PITPNC1: variants seen among roughly 807,000 people sequenced by gnomAD.
PITPNC1 encodes the protein phosphatidylinositol transfer protein cytoplasmic 1.
A neutral mutation model predicts 44.7 loss-of-function variants in PITPNC1; 18 were observed. The observed-to-expected ratio is 0.40, with a 90% CI of 0.28 to 0.60. The LOEUF is 0.60. Among genes scored for constraint, PITPNC1 ranks in the 20% least tolerant of loss-of-function variants. PITPNC1 has a pLI of 0.39. For missense variants in PITPNC1, 290 were observed against 418.4 expected (o/e 0.69, Z 2.68); for synonymous variants, 141 against 149.6 (o/e 0.94, Z 0.42).
chr17:67,467,054 A>ATTTTTTT (rs10623552), intron 1 of PITPNC1, among the ~76,000 whole-genome samples: 9 of 95,354 alleles, frequency 9.4e-5, no homozygotes, highest in East Asian at 7.0e-4. Context: ...CAGTTAGGAG[A>ATTTTTTT]TTTTTTTTTT....
intron 6 of PITPNC1, among the ~76,000 whole-genome samples, chr17:67,655,661 C>T (rs1381933918): frequency 6.6e-6 from 1 of 151,038 alleles, no homozygotes; most frequent in Admixed American, 6.6e-5. Context: ...GGGTTGGGTT[C>T]GGTGGTTCAC....
intron 2 of PITPNC1, among the ~76,000 whole-genome samples, chr17:67,548,073 C>T (rs754605285): frequency 4.5e-4 from 68 of 152,158 alleles, no homozygotes; most frequent in African/African-American, 1.5e-3. Flanking sequence ...TTGAGACAAC[C>T]GAAAATGTCC....
intron 4 of PITPNC1, among the ~76,000 whole-genome samples, chr17:67,567,312 G>A (rs189017675): frequency 2.1e-4 from 32 of 151,940 alleles, no homozygotes; most frequent in Non-Finnish European, 2.4e-4. Context: ...GGTAAACCCC[G>A]TTTCTACTAA....
At chr17:67,447,067 G>A (rs937681171) in intron 1 of PITPNC1, among the ~76,000 whole-genome samples, 1 of 124,042 alleles carries the variant, frequency 8.1e-6, no homozygotes, top group East Asian at 2.3e-4. Flanking sequence ...TCCAGCCTGG[G>A]CCATAGAGTG....
intron 5 of PITPNC1, among the ~76,000 whole-genome samples, chr17:67,631,655 A>ATATATATATATATATATATATAT (rs57804710): frequency 1.2e-4 from 1 of 8,304 alleles, no homozygotes; most frequent in Non-Finnish European, 2.6e-4. Flanking sequence ...AAAAAAAAAA[A>ATATATATATATATATATATATAT]AAATATATAT....
chr17:67,607,379 A>T (rs1376631718), intron 5 of PITPNC1, among the ~76,000 whole-genome samples: 1 of 152,226 alleles, frequency 6.6e-6, no homozygotes, highest in Non-Finnish European at 1.5e-5. Context: ...GGGCTCTCCC[A>T]TCCAGGCCAT....
intron 8 of PITPNC1, among the ~76,000 whole-genome samples, chr17:67,682,125 T>A (rs780800444): frequency 6.6e-6 from 1 of 151,912 alleles, no homozygotes; most frequent in Admixed American, 6.6e-5. Context: ...CGCTTGAACC[T>A]GGGAGGCAGA....
chr17:67,428,549 A>G (rs868263608), intron 1 of PITPNC1, among the ~76,000 whole-genome samples: 19 of 151,756 alleles, frequency 1.3e-4, no homozygotes, highest in African/African-American at 1.9e-4. Flanking sequence ...AAAAAAAAAA[A>G]AAAGAAAGAA....
At chr17:67,515,004 C>T (rs2040239321) in intron 1 of PITPNC1, among the ~76,000 whole-genome samples, 1 of 152,146 alleles carries the variant, frequency 6.6e-6, no homozygotes, top group Non-Finnish European at 1.5e-5. Flanking sequence ...TTAACTAGTG[C>T]TCAGTCTCCC....
chr17:67,568,014 GAAGA>G (rs1010324988), intron 4 of PITPNC1, among the ~76,000 whole-genome samples: 5 of 152,152 alleles, frequency 3.3e-5, no homozygotes, highest in African/African-American at 1.2e-4. Flanking sequence ...AAAGAAGAAA[GAAGA>G]AAGAAAGATA....
intron 1 of PITPNC1, among the ~76,000 whole-genome samples, chr17:67,415,206 T>C (rs769823007): frequency 2.0e-5 from 3 of 152,192 alleles, no homozygotes; most frequent in Non-Finnish European, 2.9e-5. Flanking sequence ...TGATCTGTTA[T>C]GCTGTTTGTT....
intron 7 of PITPNC1, among the ~76,000 whole-genome samples, chr17:67,673,992 TA>T (rs954618452): frequency 2.8e-5 from 4 of 140,468 alleles, no homozygotes; most frequent in Non-Finnish European, 6.3e-5. Flanking sequence ...AAAAAAAAGA[TA>T]AAAAGAAAAA....
intron 1 of PITPNC1, among the ~76,000 whole-genome samples, chr17:67,470,158 A>T (rs933362795): frequency 6.6e-6 from 1 of 152,116 alleles, no homozygotes; most frequent in African/African-American, 2.4e-5. Flanking sequence ...CCTGACCTCG[A>T]GTGATCTGCC....
At chr17:67,632,093 G>C in intron 5 of PITPNC1, 50 bp from the exon 6 acceptor site, 1 of 1,164,646 alleles carries the variant, frequency 8.6e-7, no homozygotes, top group Non-Finnish European at 1.3e-6. Flanking sequence ...GCACTTTGGA[G>C]GGTAACACCT....
chr17:67,563,988 GGATA>G (rs1321053118), intron 4 of PITPNC1, among the ~76,000 whole-genome samples: 9 of 151,786 alleles, frequency 5.9e-5, no homozygotes, highest in Admixed American at 1.3e-4. Context: ...TAAGAGAGAT[GGATA>G]GATAGATTAG....
At chr17:67,408,508 C>T (rs889756218) in intron 1 of PITPNC1, among the ~76,000 whole-genome samples, 5 of 152,140 alleles carry the variant, frequency 3.3e-5, no homozygotes, top group Middle Eastern at 3.4e-3. Flanking sequence ...CCAGCCTGGA[C>T]GACAGAGTGA....
intron 1 of PITPNC1, among the ~76,000 whole-genome samples, chr17:67,430,199 C>T (rs948689843): frequency 2.0e-5 from 3 of 152,282 alleles, no homozygotes; most frequent in South Asian, 2.1e-4. Context: ...CCTTACTACT[C>T]TGTGATTTTA....
intron 2 of PITPNC1, among the ~76,000 whole-genome samples, chr17:67,547,382 G>A (rs2040698756): frequency 6.6e-6 from 1 of 152,100 alleles, no homozygotes; most frequent in Non-Finnish European, 1.5e-5. Context: ...TGGGTGTGGT[G>A]GTGCATGCCT....
chr17:67,443,963 G>T (rs773559183), intron 1 of PITPNC1, among the ~76,000 whole-genome samples: 1 of 151,950 alleles, frequency 6.6e-6, no homozygotes, highest in Non-Finnish European at 1.5e-5. Flanking sequence ...AGGAGAACCT[G>T]GATTTGGCTT....
Sources: allele counts gnomAD v4.1 joint callset (sites outside exome capture counted in the v4.1 genomes callset), GRCh38; gene constraint gnomAD v4.1.1; transcripts MANE v1.5; gene names NCBI Gene and HGNC (gene_info 2026-07-23, HGNC 2026-07-21).